WDR4: variants seen among roughly 807,000 people sequenced by gnomAD.
The protein encoded by WDR4 is tRNA (guanine-N(7)-)-methyltransferase non-catalytic subunit WDR4.
Under a neutral mutation model 48.6 loss-of-function variants are expected in WDR4, and 47 were observed. That is an observed-to-expected ratio of 0.97 (90% confidence interval 0.77 to 1.23). WDR4 has a LOEUF of 1.23. Ranked by LOEUF, WDR4 falls within the 50% of genes most tolerant of loss-of-function variation. The probability of loss-of-function intolerance (pLI) is 0.00; values close to 1 mark genes in which losing one functional copy is unlikely to be tolerated. For synonymous variants in WDR4, 268 were observed against 230.0 expected (o/e 1.17, Z -1.49); for missense variants, 606 against 551.6 (o/e 1.10, Z -0.99).
At chr21:42,885,956 A>ATTT in the WDR4 span, among the ~76,000 whole-genome samples, 913 of 122,800 alleles carry the variant, frequency 7.4e-3, 19 homozygotes, top group Non-Finnish European at 0.012. Flanking sequence ...CTCAGCATAG[A>ATTT]TTTTTTTTTT....
In WDR4 at chr21:42,873,928, G is replaced by A. The variant is rs375677040; in HGVS notation, c.156-237C>T. ...CAGCATACATGCCAGAACCCAGAGA[G>A]CTAAGCTGGAAGAACCCTCAATGAC... On this transcript the variant is annotated intron_variant, in intron 2 of 10. Coordinates refer to ENST00000398208, the MANE Select transcript of WDR4 (RefSeq NM_018669.6). 3.9e-5 allele frequency among the ~76,000 whole-genome samples: 6 copies of A among 152,290 alleles called. 1 individual carries two copies. The East Asian group carries it at 9.6e-4, about 24-fold the overall frequency.
chr21:42,887,779 G>A, the WDR4 span, among the ~76,000 whole-genome samples: 16 of 152,026 alleles, frequency 1.1e-4, no homozygotes, highest in Admixed American at 6.6e-4. Context: ...TTAGCCGGGC[G>A]TGGTGGCGTG....
At chr21:42,861,238 T>G (rs1480110922) in intron 5 of WDR4, among the ~76,000 whole-genome samples, 1 of 148,238 alleles carries the variant, frequency 6.7e-6, no homozygotes, top group Non-Finnish European at 1.5e-5. Flanking sequence ...CGCTTGAACC[T>G]GGAAGGCAGA....
At chr21:42,876,097 G>A (rs2058485403) in intron 2 of WDR4, among the ~76,000 whole-genome samples, 2 of 151,510 alleles carry the variant, frequency 1.3e-5, no homozygotes, top group Admixed American at 1.3e-4. Context: ...TTTTAGTAGA[G>A]ATGGAGTTTC....
At chr21:42,859,142 G>A (rs568404460) in intron 6 of WDR4, among the ~76,000 whole-genome samples, 6 of 152,092 alleles carry the variant, frequency 3.9e-5, no homozygotes, top group South Asian at 2.1e-4. Context: ...ACCCGGGTGC[G>A]GGCGCTCGAG....
chr21:42,869,641 A>C (rs1399703395), intron 3 of WDR4, among the ~76,000 whole-genome samples: 2 of 151,568 alleles, frequency 1.3e-5, no homozygotes, highest in South Asian at 2.1e-4. Flanking sequence ...AATAAACAAC[A>C]CCCCAATGGA....
the WDR4 span, among the ~76,000 whole-genome samples, chr21:42,888,222 T>C: frequency 2.0e-5 from 3 of 152,150 alleles, no homozygotes; most frequent in Admixed American, 6.6e-5. Flanking sequence ...TGAGCGAACA[T>C]AGATAGATAC....
intron 7 of WDR4, among the ~76,000 whole-genome samples, chr21:42,854,898 G>A (rs970911915): frequency 6.6e-6 from 1 of 152,196 alleles, no homozygotes; most frequent in Admixed American, 6.5e-5. Flanking sequence ...AGACAGTGAG[G>A]AGAAGAGGGA....
intron 6 of WDR4, among the ~76,000 whole-genome samples, chr21:42,859,029 T>C (rs1376806046): frequency 6.6e-6 from 1 of 151,976 alleles, no homozygotes; most frequent in Admixed American, 6.6e-5. Context: ...TCTAACACAT[T>C]CCTTAGAGAA....
downstream of WDR4, among the ~76,000 whole-genome samples, chr21:42,847,580 C>T (rs1036311758): frequency 6.6e-6 from 1 of 152,182 alleles, no homozygotes; most frequent in Non-Finnish European, 1.5e-5. Flanking sequence ...GTGAGGAGGG[C>T]GTTCCGTCTC....
At chr21:42,888,692 G>T in the WDR4 span, among the ~76,000 whole-genome samples, 1 of 150,230 alleles carries the variant, frequency 6.7e-6, no homozygotes, top group Admixed American at 6.7e-5. Context: ...CAGTATAAAG[G>T]TTTATAATTT....
downstream of WDR4, among the ~76,000 whole-genome samples, chr21:42,845,643 A>G (rs1004362957): frequency 4.6e-5 from 7 of 152,178 alleles, no homozygotes; most frequent in African/African-American, 9.7e-5. Context: ...CACACCACAC[A>G]CTGTGGGCCT....
At chr21:42,867,344 C>G (rs2058268922) in intron 3 of WDR4, among the ~76,000 whole-genome samples, 1 of 151,040 alleles carries the variant, frequency 6.6e-6, no homozygotes, top group Non-Finnish European at 1.5e-5. Context: ...TGAGCCAAGA[C>G]CGTGCCACTG....
chr21:42,879,069 C>G, intron 1 of WDR4: 1 of 1,121,880 alleles, frequency 8.9e-7, no homozygotes, highest in Non-Finnish European at 1.1e-6. Context: ...TCAGCGTCGC[C>G]CCACGTGCTC....
the WDR4 span, among the ~76,000 whole-genome samples, chr21:42,891,313 G>C: frequency 2.0e-5 from 3 of 149,976 alleles, no homozygotes; most frequent in African/African-American, 7.4e-5. Context: ...GGGCAACAGA[G>C]TGAGATTCTG....
downstream of WDR4, among the ~76,000 whole-genome samples, chr21:42,846,027 G>C (rs930098787): frequency 6.6e-6 from 1 of 152,076 alleles, no homozygotes; most frequent in East Asian, 1.9e-4. Flanking sequence ...AGCTACTCAG[G>C]AGACTGAGGT....
At chr21:42,875,866 T>C (rs924172561) in intron 2 of WDR4, among the ~76,000 whole-genome samples, 28 of 152,016 alleles carry the variant, frequency 1.8e-4, no homozygotes, top group Non-Finnish European at 2.9e-4. Flanking sequence ...GCCAGTAAGA[T>C]GTGATTACTG....
chr21:42,883,198 C>T (rs955454443), upstream of WDR4, among the ~76,000 whole-genome samples: 1 of 147,934 alleles, frequency 6.8e-6, no homozygotes, highest in South Asian at 2.1e-4. Context: ...TCACTTGAAC[C>T]GAGGAGGTGG....
chr21:42,886,008 G>A, the WDR4 span, among the ~76,000 whole-genome samples: 9 of 149,120 alleles, frequency 6.0e-5, no homozygotes, highest in African/African-American at 1.5e-4. Context: ...CCAGGCTGGA[G>A]TACAGTGGCA....
Sources: allele counts gnomAD v4.1 joint callset (sites outside exome capture counted in the v4.1 genomes callset), GRCh38; gene constraint gnomAD v4.1.1; transcripts MANE v1.5; gene names NCBI Gene and HGNC (gene_info 2026-07-23, HGNC 2026-07-21).